KAZN: variants seen among roughly 807,000 people sequenced by gnomAD.
KAZN encodes kazrin, periplakin interacting protein.
In KAZN, 40 loss-of-function variants were observed where a neutral mutation model predicts 87.4. That is an observed-to-expected ratio of 0.46 (90% confidence interval 0.36 to 0.60). The LOEUF is 0.60. KAZN is among the 20% of genes least tolerant of loss of function. The probability of loss-of-function intolerance (pLI) is 0.00; values close to 1 mark genes in which losing one functional copy is unlikely to be tolerated. For missense variants in KAZN, 898 were observed against 1,073.9 expected (o/e 0.84, Z 2.29); for synonymous variants, 466 against 458.3 (o/e 1.02, Z -0.22).
At chr1:14,127,691 T>C (rs1258492583) in intron 1 of KAZN, among the ~76,000 whole-genome samples, 2 of 152,170 alleles carry the variant, frequency 1.3e-5, no homozygotes, top group Non-Finnish European at 2.9e-5. Context: ...AGAGAATGCA[T>C]GGGGTTACGA....
intron 1 of KAZN, chr1:14,930,144 A>C (rs899992613): frequency 1.9e-5 from 17 of 899,544 alleles, no homozygotes; most frequent in Non-Finnish European, 2.0e-5. Context: ...GCCCGTCCTC[A>C]GTCTACGTGC....
chr1:14,126,737 T>C (rs1644878372), intron 1 of KAZN, among the ~76,000 whole-genome samples: 1 of 152,226 alleles, frequency 6.6e-6, no homozygotes, highest in Admixed American at 6.5e-5. Flanking sequence ...TTCTGACTCC[T>C]GATCTGATGT....
chr1:14,165,959 T>C (rs995273103), intron 1 of KAZN, among the ~76,000 whole-genome samples: 1 of 152,080 alleles, frequency 6.6e-6, no homozygotes, highest in Non-Finnish European at 1.5e-5. Flanking sequence ...TCTCTCACGG[T>C]CATACAAAGA....
At chr1:14,050,047 C>A (rs1273180589) in intron 1 of KAZN, among the ~76,000 whole-genome samples, 1 of 149,190 alleles carries the variant, frequency 6.7e-6, no homozygotes, top group Non-Finnish European at 1.5e-5. Flanking sequence ...GCACGTGTGT[C>A]TGTGTGGGTG....
chr1:14,759,658 C>T (rs150497810), intron 1 of KAZN, among the ~76,000 whole-genome samples: 1 of 152,192 alleles, frequency 6.6e-6, no homozygotes, highest in East Asian at 1.9e-4. Context: ...TATTTCATGA[C>T]CACTGGCAGG....
At chr1:14,838,331 C>T (rs889540797) in intron 1 of KAZN, among the ~76,000 whole-genome samples, 2 of 152,204 alleles carry the variant, frequency 1.3e-5, no homozygotes, top group African/African-American at 4.8e-5. Flanking sequence ...AATTTAAGAT[C>T]ATAGCAGCAC....
intron 2 of KAZN, among the ~76,000 whole-genome samples, chr1:14,514,422 ATAT>A (rs1230872444): frequency 4.7e-5 from 2 of 42,528 alleles, no homozygotes; most frequent in African/African-American, 1.6e-4. Context: ...ATAAATATAT[ATAT>A]AATATATATA....
At chr1:14,148,431 T>G (rs1645399392) in intron 1 of KAZN, among the ~76,000 whole-genome samples, 1 of 152,212 alleles carries the variant, frequency 6.6e-6, no homozygotes, top group Non-Finnish European at 1.5e-5. Context: ...ATATTACATT[T>G]TTTATTTTTT....
At chr1:14,698,737 C>A (rs2148799715) in intron 1 of KAZN, among the ~76,000 whole-genome samples, 1 of 152,350 alleles carries the variant, frequency 6.6e-6, no homozygotes, top group Admixed American at 6.5e-5. Context: ...CGTTTCATAT[C>A]CCTGCTCCCA....
At chr1:14,105,366 G>A (rs1420710768) in intron 1 of KAZN, among the ~76,000 whole-genome samples, 1 of 152,160 alleles carries the variant, frequency 6.6e-6, no homozygotes, top group African/African-American at 2.4e-5. Context: ...GGCAGAGAGA[G>A]CCCATTCAAT....
chr1:15,109,801 ATG>A (rs1283853298), intron 13 of KAZN, among the ~76,000 whole-genome samples: 3 of 98,386 alleles, frequency 3.0e-5, no homozygotes, highest in African/African-American at 1.4e-4. Flanking sequence ...GTGTATGTGT[ATG>A]TGTGTGTTGT....
At chr1:14,864,287 G>T (rs185103575) in intron 1 of KAZN, among the ~76,000 whole-genome samples, 1 of 152,204 alleles carries the variant, frequency 6.6e-6, no homozygotes. Flanking sequence ...CATGGGGGCC[G>T]GGCGCGGTGG....
rs192782595 is a variant in KAZN at position 14,676,425 on chromosome 1, G to A, written c.226+77202G>A. ...GCCTTACCTAGGGAGGCCACTTCAC[G>A]TCCCTGAGCCTCAGTTCCCGTCTCT... On this transcript the variant is annotated intron_variant, in intron 1 of 14. Transcript: ENST00000376030. Among the ~76,000 whole-genome samples, 15 of 151,182 alleles carry A rather than the reference G, an allele frequency of 9.9e-5. No individual in the cohort carries two copies. The East Asian group carries it at 1.2e-3, about 12-fold the overall frequency.
At chr1:14,397,479 A>T (rs1431648631) in intron 2 of KAZN, among the ~76,000 whole-genome samples, 1 of 152,174 alleles carries the variant, frequency 6.6e-6, no homozygotes, top group Non-Finnish European at 1.5e-5. Flanking sequence ...TCCAAACATG[A>T]CATTGAGTGT....
intron 1 of KAZN, among the ~76,000 whole-genome samples, chr1:14,763,271 C>G (rs4543785): frequency 6.6e-6 from 1 of 151,974 alleles, no homozygotes; most frequent in Admixed American, 6.6e-5. Context: ...GAGCTGTTTC[C>G]GTCTCAGGCA....
At chr1:13,962,602 G>A (rs1425503286) in intron 1 of KAZN, among the ~76,000 whole-genome samples, 1 of 152,142 alleles carries the variant, frequency 6.6e-6, no homozygotes, top group Non-Finnish European at 1.5e-5. Flanking sequence ...CTGTCACCCA[G>A]GCTGGAGTGC....
chr1:13,973,322 T>G (rs981964328), intron 1 of KAZN, among the ~76,000 whole-genome samples: 1 of 152,176 alleles, frequency 6.6e-6, no homozygotes, highest in Non-Finnish European at 1.5e-5. Flanking sequence ...CCACCCTGCT[T>G]TATTCCCTAG....
chr1:14,730,196 G>A (rs567600772), intron 1 of KAZN, among the ~76,000 whole-genome samples: 9 of 152,116 alleles, frequency 5.9e-5, no homozygotes, highest in Non-Finnish European at 1.2e-4. Flanking sequence ...CGATTCTCCC[G>A]CCTCAGCCTC....
At chr1:14,669,833 C>T (rs1484730714) in intron 1 of KAZN, among the ~76,000 whole-genome samples, 1 of 152,168 alleles carries the variant, frequency 6.6e-6, no homozygotes, top group Non-Finnish European at 1.5e-5. Context: ...CAGCTGAAAC[C>T]ATCCTTTGTA....
Sources: gnomAD v4.1 joint callset for allele counts (sites outside exome capture counted in the v4.1 genomes callset) on GRCh38, gnomAD v4.1.1 for gene constraint, MANE v1.5 for transcripts, NCBI Gene and HGNC (gene_info 2026-07-23, HGNC 2026-07-21) for gene names.